Variants in RAB11FIP4 observed in about 807,000 individuals in gnomAD.
The protein encoded by RAB11FIP4 is RAB11 family interacting protein 4.
In RAB11FIP4, 23 loss-of-function variants were observed where a neutral mutation model predicts 74.3. The observed-to-expected ratio is 0.31, with a 90% CI of 0.22 to 0.44. RAB11FIP4 has a LOEUF of 0.44. Ranked by LOEUF, RAB11FIP4 falls within the 20% of genes least tolerant of loss-of-function variation. The pLI is 1.00. For missense variants in RAB11FIP4, 630 were observed against 863.9 expected, an observed-to-expected ratio of 0.73 and a Z score of 3.39; for synonymous variants, 360 against 359.9, an observed-to-expected ratio of 1.00 and a Z score of 0.00.
intron 3 of RAB11FIP4, among the ~76,000 whole-genome samples, chr17:31,503,567 C>G (rs2072261073): frequency 6.7e-6 from 1 of 149,618 alleles, no homozygotes; most frequent in Admixed American, 6.6e-5. Context: ...GTGAGGGACC[C>G]CCTGGGGATG....
chr17:31,448,392 A>ATGTTTT (rs2071489798), intron 3 of RAB11FIP4: 1 of 79,832 alleles, frequency 1.3e-5, no homozygotes, highest in Non-Finnish European at 2.2e-5. Flanking sequence ...CATCCAGCTA[A>ATGTTTT]TTTTTTTTTT....
At chr17:31,523,334 C>T in intron 7 of RAB11FIP4, 178 bp from the exon 8 acceptor site, 1 of 644,514 alleles carries the variant, frequency 1.6e-6, no homozygotes, top group Middle Eastern at 4.1e-4. Flanking sequence ...ATTTGCCATC[C>T]TCTGGGCGGG....
At position 31,531,809 on chromosome 17, in the gene RAB11FIP4, C is replaced by A; in HGVS notation, c.*77C>A. 1 of 901,790 alleles carries A rather than the reference C, an allele frequency of 1.1e-6. No homozygotes were observed. Among genetic ancestry groups the A allele is most frequent in the Non-Finnish European group, 1.8e-6 (1 of 548,492 alleles). 55.9% of individuals were successfully genotyped at this position (901,790 alleles called of 1,614,324 possible). A position where few individuals can be genotyped will look rare whatever the true frequency, so the allele number is the denominator to read the frequency against. ...CCCTGCCCAAGGATGCAGGCCTAAG[C>A]CGGGCCTCACACTCACACTGTAAAT... On this transcript the variant is annotated 3_prime_UTR_variant, in exon 15 of 15. Transcript: ENST00000621161.
intron 3 of RAB11FIP4, among the ~76,000 whole-genome samples, chr17:31,485,547 C>T (rs1410562303): frequency 6.6e-6 from 1 of 152,090 alleles, no homozygotes; most frequent in Admixed American, 6.5e-5. Context: ...GCCTAATAAT[C>T]CTTAGGGGCA....
In RAB11FIP4 at chr17:31,536,816, C is replaced by T. The variant is rs1024659864; in HGVS notation, c.*5084C>T. ...CTTCTGCCATATTCTCTGCTACCCA[C>T]CAGAGAAAATAGGCTGCCTTCTAGA... is the stretch of plus-strand genomic sequence containing the variant. On this transcript the variant is annotated 3_prime_UTR_variant, in exon 15 of 15. Transcript: ENST00000621161. 1.8e-5 allele frequency: 7 copies of T among 396,152 alleles called. No individual in the cohort carries two copies. The highest frequency in any genetic ancestry group is 3.1e-5 in the Non-Finnish European group (7 of 225,170). 24.5% of individuals were successfully genotyped at this position (396,152 alleles called of 1,614,324 possible). A position where few individuals can be genotyped will look rare whatever the true frequency, so the allele number is the denominator to read the frequency against.
chr17:31,467,900 A>G (rs1454476710), intron 3 of RAB11FIP4, among the ~76,000 whole-genome samples: 1 of 152,196 alleles, frequency 6.6e-6, no homozygotes, highest in Non-Finnish European at 1.5e-5. Context: ...CAAAATAGCA[A>G]GTGGAAGGCC....
intron 1 of RAB11FIP4, among the ~76,000 whole-genome samples, chr17:31,409,862 C>T (rs967580429): frequency 3.9e-5 from 6 of 152,170 alleles, no homozygotes; most frequent in African/African-American, 2.4e-5. Context: ...CTGAGCCCTG[C>T]CCCCAAAATC....
At chr17:31,488,387 G>A in intron 3 of RAB11FIP4, 1 of 1,062,686 alleles carries the variant, frequency 9.4e-7, no homozygotes, top group Middle Eastern at 3.8e-4. Context: ...GGGAGGTCGT[G>A]TTACCTGAGC....
intron 1 of RAB11FIP4, among the ~76,000 whole-genome samples, chr17:31,411,591 C>T (rs1390106808): frequency 6.6e-6 from 1 of 152,214 alleles, no homozygotes; most frequent in Non-Finnish European, 1.5e-5. Flanking sequence ...CACTGGTCCT[C>T]CACCCCAGGC....
chr17:31,498,517 C>CA (rs1274507277), intron 3 of RAB11FIP4, among the ~76,000 whole-genome samples: 1 of 152,220 alleles, frequency 6.6e-6, no homozygotes, highest in Non-Finnish European at 1.5e-5. Context: ...GGAGGAGAGT[C>CA]ACCCTGCTGA....
intron 3 of RAB11FIP4, among the ~76,000 whole-genome samples, chr17:31,514,649 C>G (rs1050001689): frequency 3.0e-4 from 46 of 152,224 alleles, no homozygotes; most frequent in Non-Finnish European, 1.0e-4. Context: ...GGGGAACTCT[C>G]GCTACCCGTG....
At chr17:31,488,942 C>A (rs1404439233) in intron 3 of RAB11FIP4, among the ~76,000 whole-genome samples, 1 of 152,212 alleles carries the variant, frequency 6.6e-6, no homozygotes, top group Non-Finnish European at 1.5e-5. Flanking sequence ...CTGTGGGGAA[C>A]TGGGTTCCGA....
intron 1 of RAB11FIP4, among the ~76,000 whole-genome samples, chr17:31,408,734 A>C (rs9912298): frequency 0.3 from 45,566 of 152,126 alleles, 7,674 homozygotes; most frequent in African/African-American, 0.46. Context: ...CACAGGAGAC[A>C]TCGCCCCAAC....
chr17:31,436,155 T>C (rs2071355055), intron 3 of RAB11FIP4, among the ~76,000 whole-genome samples: 1 of 152,170 alleles, frequency 6.6e-6, no homozygotes, highest in Non-Finnish European at 1.5e-5. Context: ...GGACAGGCCA[T>C]GGAACCTGAG....
chr17:31,494,366 G>A (rs146119026), intron 3 of RAB11FIP4, among the ~76,000 whole-genome samples: 245 of 152,160 alleles, frequency 1.6e-3, no homozygotes, highest in Non-Finnish European at 2.5e-3. Flanking sequence ...CACAGGGTTC[G>A]TGGTAAGGCT....
chr17:31,504,823 G>T (rs993885445), intron 3 of RAB11FIP4, among the ~76,000 whole-genome samples: 3 of 152,124 alleles, frequency 2.0e-5, no homozygotes, highest in African/African-American at 7.2e-5. Flanking sequence ...ATAATATTCG[G>T]TTTCTATGTC....
intron 3 of RAB11FIP4, among the ~76,000 whole-genome samples, chr17:31,461,934 C>A (rs771078370): frequency 6.6e-6 from 1 of 152,146 alleles, no homozygotes; most frequent in Non-Finnish European, 1.5e-5. Flanking sequence ...AGGGCTGGAC[C>A]TTGGCCAGAT....
chr17:31,521,428 G>T, intron 5 of RAB11FIP4, 68 bp downstream of exon 5: 1 of 1,401,060 alleles, frequency 7.1e-7, no homozygotes, highest in East Asian at 2.5e-5. Flanking sequence ...ACATCCTAGG[G>T]GGTGGGGGGG....
At chr17:31,506,719 C>T (rs1304101070) in intron 3 of RAB11FIP4, among the ~76,000 whole-genome samples, 1 of 152,124 alleles carries the variant, frequency 6.6e-6, no homozygotes, top group Admixed American at 6.5e-5. Flanking sequence ...GGATTTTATT[C>T]TTTTTTATGG....
Sources: gnomAD v4.1 joint callset for allele counts (sites outside exome capture counted in the v4.1 genomes callset) on GRCh38, gnomAD v4.1.1 for gene constraint, MANE v1.5 for transcripts, NCBI Gene and HGNC (gene_info 2026-07-23, HGNC 2026-07-21) for gene names.